Variants in RBM42 observed in about 807,000 individuals in gnomAD.
RBM42 encodes the protein RNA-binding protein 42.
A neutral mutation model predicts 41.4 loss-of-function variants in RBM42; 21 were observed. The observed-to-expected ratio is 0.51, with a 90% CI of 0.36 to 0.73. The LOEUF is 0.73. RBM42 is among the 30% of genes least tolerant of loss of function. The pLI is 0.00. For missense variants in RBM42, 539 were observed against 680.4 expected (o/e 0.79, Z 2.31); for synonymous variants, 272 against 271.2 (o/e 1.00, Z -0.03).
At chr19:35,631,485 C>G (rs767111931) in intron 4 of RBM42, 80 bp downstream of exon 4, 3 of 1,328,472 alleles carry the variant, frequency 2.3e-6, no homozygotes, top group Non-Finnish European at 3.2e-6. Flanking sequence ...TAAATCCTTG[C>G]TCTAAATTAC....
rs1967461765 is a variant in RBM42 at position 35,634,413 on chromosome 19, A to G, written c.1135+40A>G. On this transcript the variant is annotated intron_variant, in intron 8 of 9. Transcript: ENST00000262633. ...CTCGAGGTCAGGCGTGGCTCGGCCA[A>G]GGTCAGACCAGGCTGCTGTCCTTGG... 2.1e-6 allele frequency: 3 copies of G among 1,436,262 alleles called. No homozygotes were observed. The South Asian group carries it at 3.5e-5, about 17-fold the overall frequency. 89.0% of individuals were successfully genotyped at this position (1,436,262 alleles called of 1,614,324 possible). A position where few individuals can be genotyped will look rare whatever the true frequency, so the allele number is the denominator to read the frequency against.
chr19:35,633,160 C>T lies in RBM42; in HGVS notation c.592C>T (p.Pro198Ser), dbSNP rs778119872. The T allele has an allele frequency of 4.4e-6, 7 of 1,593,912 alleles. No individual in the cohort carries two copies. In the African/African-American group the frequency reaches 9.4e-5, roughly 21 times the overall value. Reference protein sequence around the residue: ...PHQALVGPPLPGPPGPPMMLP... With the variant: ...PHQALVGPPLSGPPGPPMMLP... ...CCAGGCCCTCGTGGGCCCCCCTCTGCCTGGGCCCCCTGGACCACCCATGAT... is the reference window on the plus strand; with the variant it reads ...CCAGGCCCTCGTGGGCCCCCCTCTGTCTGGGCCCCCTGGACCACCCATGAT... Residue 198 changes from proline to serine, a missense_variant, in exon 6 of 10, where the codon CCT becomes TCT. Pro to Ser is a moderately conservative substitution (Grantham distance 74, BLOSUM62 -1). Transcript: ENST00000262633.
intron 4 of RBM42, chr19:35,631,842 C>T (rs550413504): frequency 6.9e-5 from 12 of 174,270 alleles, no homozygotes; most frequent in Middle Eastern, 2.8e-3. Flanking sequence ...CCTACATGAC[C>T]TTGCTTCTTG....
At chr19:35,633,041 C>T (rs1967432440) in intron 5 of RBM42, 36 bp from the exon 6 acceptor site, 1 of 1,605,708 alleles carries the variant, frequency 6.2e-7, no homozygotes, top group South Asian at 1.1e-5. Flanking sequence ...CATAACTCCC[C>T]CCAGGCCCTG....
rs1228501636 is a variant in RBM42, at chr19:35,634,250, C to T, written c.1018-6C>T. On this transcript the variant is annotated splice_polypyrimidine_tract_variant and splice_region_variant and intron_variant, in intron 7 of 9. Coordinates refer to ENST00000262633, the MANE Select transcript of RBM42 (RefSeq NM_024321.5). ...CCCCTTTGCACCTCTCCCCTTTCCT[C>T]TGCAGGTCCCAGAGCCCCTGGGTGA... 11 of 1,613,444 alleles carry T rather than the reference C, an allele frequency of 6.8e-6. No homozygotes were observed. The East Asian group carries it at 1.1e-4, about 16-fold the overall frequency.
At position 35,630,506 on chromosome 19, in the gene RBM42, G is replaced by A. The variant is rs866177262; in HGVS notation, c.283-634G>A. On this transcript the variant is annotated intron_variant, in intron 2 of 9. Transcript: ENST00000262633. The stretch of plus-strand genomic sequence containing the variant: ...CTGGTGGCCAGGCACGGTTGCTCAC[G>A]CCTGTAATCCCAGCACTTTGGGAAG... Among the ~76,000 whole-genome samples the A allele has an allele frequency of 3.6e-4, 55 of 150,964 alleles. 1 individual carries two copies. Among genetic ancestry groups the A allele is most frequent in the African/African-American group, 1.3e-3 (53 of 41,098 alleles).
intron 4 of RBM42, 110 bp from the exon 5 acceptor site, chr19:35,632,826 C>T: frequency 5.9e-6 from 4 of 672,292 alleles, no homozygotes; most frequent in South Asian, 5.2e-5. Flanking sequence ...GACTCTTCTC[C>T]AGGATTTCTT....
intron 1 of RBM42, 114 bp downstream of exon 1, chr19:35,629,395 C>A (rs934895593): frequency 6.6e-7 from 1 of 1,526,332 alleles, no homozygotes; most frequent in East Asian, 2.3e-5. Flanking sequence ...GGAAGTGGGA[C>A]CTTCGGGATT....
At chr19:35,636,181 CAG>C (rs1393371651) in intron 8 of RBM42, among the ~76,000 whole-genome samples, 1 of 147,742 alleles carries the variant, frequency 6.8e-6, no homozygotes, top group African/African-American at 2.5e-5. Flanking sequence ...TTTTTTGAGA[CAG>C]AGTCTCGCAC....
Position 35,633,657 on chromosome 19 carries a change from GCCCCCCT to G in RBM42, c.685-28_685-22del, listed in dbSNP as rs1196164460. The G allele has an allele frequency of 2.1e-6, 3 of 1,402,880 alleles. No homozygotes were observed. In the African/African-American group the frequency reaches 4.5e-5, roughly 21 times the overall value. The allele number at this position is 1,402,880 out of a possible 1,614,324, so 86.9% of individuals were successfully genotyped here. ...CAGTAAAGTCTGAGCCTGTGAGCCGGCCCCCCTCATGCTCTCCTCTTACCCACAGGAA... is the reference window on the plus strand; with the variant it reads ...CAGTAAAGTCTGAGCCTGTGAGCCGGCATGCTCTCCTCTTACCCACAGGAA... On this transcript the variant is annotated intron_variant, in intron 6 of 9. Coordinates refer to ENST00000262633, the MANE Select transcript of RBM42 (RefSeq NM_024321.5).
intron 8 of RBM42, among the ~76,000 whole-genome samples, chr19:35,635,587 G>T (rs1011245612): frequency 6.1e-5 from 9 of 146,514 alleles, no homozygotes; most frequent in Admixed American, 2.8e-4. Context: ...GCGCAATCTC[G>T]GCAGCTCACT....
rs1321607143 is a variant in RBM42 at position 35,629,792 on chromosome 19, T to C, written c.282+119T>C. On this transcript the variant is annotated intron_variant, in intron 2 of 9. Transcript: ENST00000262633. ...TGACTAATTAGCATGACAAATATTT[T>C]ATATGCCAGGCACTGAGAACACAGT... 11 of 1,051,400 alleles carry C rather than the reference T, an allele frequency of 1.0e-5. No homozygotes were observed. The African/African-American group carries it at 1.8e-4, about 17-fold the overall frequency. The allele number at this position is 1,051,400 out of a possible 1,614,324, so 65.1% of individuals were successfully genotyped here.
chr19:35,631,443 C>T, intron 4 of RBM42, 38 bp downstream of exon 4: 4 of 1,588,214 alleles, frequency 2.5e-6, no homozygotes, highest in East Asian at 2.2e-5. Context: ...TTTAATCAGG[C>T]ACTCTTGTTT....
chr19:35,634,230 T>C, intron 7 of RBM42, 26 bp from the exon 8 acceptor site: 1 of 1,608,130 alleles, frequency 6.2e-7, no homozygotes, highest in Non-Finnish European at 8.5e-7. Context: ...ACCAACCCCT[T>C]TGCACCTCTC....
At chr19:35,630,375 G>T (rs1476902643) in intron 2 of RBM42, among the ~76,000 whole-genome samples, 1 of 151,882 alleles carries the variant, frequency 6.6e-6, no homozygotes, top group East Asian at 1.9e-4. Flanking sequence ...TCAAGGAACA[G>T]CAAGGAGACC....
At position 35,629,077 on chromosome 19, in the gene RBM42, G is replaced by C. The variant is rs2146347338; in HGVS notation, c.-77G>C. The C allele has an allele frequency of 2.1e-6, 3 of 1,456,774 alleles. No individual in the cohort carries two copies. Among genetic ancestry groups the C allele is most frequent in the East Asian group, 5.2e-5 (2 of 38,176 alleles). 90.2% of individuals were successfully genotyped at this position (1,456,774 alleles called of 1,614,324 possible). ...ATCCTCGGGAGCCCACCCGGACGAAGGGGGAGAGTAGACAGCAGAACCAGC... is the reference window on the plus strand; with the variant it reads ...ATCCTCGGGAGCCCACCCGGACGAACGGGGAGAGTAGACAGCAGAACCAGC... On this transcript the variant is annotated 5_prime_UTR_variant, in exon 1 of 10. Transcript: ENST00000262633.
intron 8 of RBM42, among the ~76,000 whole-genome samples, chr19:35,636,760 A>G (rs547916986): frequency 8.2e-4 from 125 of 152,258 alleles, no homozygotes; most frequent in African/African-American, 2.9e-3. Context: ...GCTCAGAGGA[A>G]AGGCCAGGGC....
At position 35,632,929 on chromosome 19, in the gene RBM42, C is replaced by T; in HGVS notation, c.443-7C>T. On this transcript the variant is annotated splice_region_variant and splice_polypyrimidine_tract_variant and intron_variant, in intron 4 of 9. Coordinates refer to ENST00000262633, the MANE Select transcript of RBM42 (RefSeq NM_024321.5). The stretch of plus-strand genomic sequence containing the variant: ...ATGACACACACCCCCATCTCTCTCT[C>T]CCACAGCTGTGGCCCCCCAGAGGGC... 6.9e-7 allele frequency: 1 copy of T among 1,457,376 alleles called. No homozygotes were observed. Among genetic ancestry groups the T allele is most frequent in the Non-Finnish European group, 9.6e-7 (1 of 1,038,274 alleles). The allele number at this position is 1,457,376 out of a possible 1,614,324, so 90.3% of individuals were successfully genotyped here.
chr19:35,633,127 C>A lies in RBM42; in HGVS notation c.559C>A (p.Pro187Thr). ...CGGCCCCCGCCCTATGGCCCTACGG[C>A]CCCCTCACCAGGCCCTCGTGGGCCC... ...AAGPRPMALR[P>T]PHQALVGPPL... Residue 187 changes from proline (P) to threonine (T), a missense_variant, in exon 6 of 10, where the codon CCC (proline) becomes ACC (threonine). By Grantham distance (38) the Pro-to-Thr change is conservative (BLOSUM62 -1). This residue lies in a region of RBM42 where 429 missense variants were observed against 488.9 expected (regional missense o/e 0.88). Transcript: ENST00000262633. 6.3e-7 allele frequency: 1 copy of A among 1,597,102 alleles called. No individual in the cohort carries two copies. The highest frequency in any genetic ancestry group is 8.6e-7 in the Non-Finnish European group (1 of 1,164,578).
Sources: allele counts gnomAD v4.1 joint callset (sites outside exome capture counted in the v4.1 genomes callset), GRCh38; gene constraint gnomAD v4.1.1; regional missense constraint gnomAD v4.1.1; transcripts MANE v1.5; gene names NCBI Gene and HGNC (gene_info 2026-07-23, HGNC 2026-07-21).